Variants in CCL26 observed in about 807,000 individuals in gnomAD.
CCL26 encodes the protein C-C motif chemokine ligand 26, also known as C-C motif chemokine 26.
Under a neutral mutation model 10.7 loss-of-function variants are expected in CCL26, and 10 were observed. The ratio of observed to expected loss-of-function variants is 0.93; its 90% confidence interval spans 0.57 to 1.58. The LOEUF (loss-of-function observed/expected upper bound fraction) is 1.58, where lower values mean the gene tolerates loss of function less well. CCL26 is among the 40% of genes most tolerant of loss of function. The pLI is 0.00. For missense variants in CCL26, 116 were observed against 111.0 expected (o/e 1.05, Z -0.20); for synonymous variants, 43 against 41.4 (o/e 1.04, Z -0.15).
At position 75,769,601 on chromosome 7, in the gene CCL26, A is replaced by G. The variant is rs998259103; in HGVS notation, c.*92T>C. 5.9e-5 allele frequency: 46 copies of G among 778,080 alleles called. No individual in the cohort carries two copies. The African/African-American group carries it at 6.5e-4, about 11-fold the overall frequency. The allele number at this position is 778,080 out of a possible 1,614,324, so 48.2% of individuals were successfully genotyped here. A position where few individuals can be genotyped will look rare whatever the true frequency, so the allele number is the denominator to read the frequency against. On this transcript the variant is annotated 3_prime_UTR_variant, in exon 3 of 3. Coordinates refer to ENST00000005180, the MANE Select transcript of CCL26 (RefSeq NM_001371938.1). Reference sequence around the variant, plus strand: ...ACACCCTCTCCTCCCCAGCGGGTCCATGTAGCCTTCAGAAAAGATTCCGCA... The same window carrying G: ...ACACCCTCTCCTCCCCAGCGGGTCCGTGTAGCCTTCAGAAAAGATTCCGCA...
chr7:75,779,476 C>G (rs1226644779), intron 1 of CCL26, among the ~76,000 whole-genome samples: 3 of 152,186 alleles, frequency 2.0e-5, no homozygotes, highest in African/African-American at 7.2e-5. Context: ...TCTCTTTACT[C>G]TCTTCTCCAA....
At chr7:75,772,076 C>T (rs782408028) in intron 1 of CCL26, 28 bp downstream of exon 1, 3 of 1,607,152 alleles carry the variant, frequency 1.9e-6, no homozygotes, top group Admixed American at 1.7e-5. Context: ...GGAAGGAACC[C>T]CAGGAGGGGA....
intron 1 of CCL26, among the ~76,000 whole-genome samples, chr7:75,786,932 G>A (rs1368923374): frequency 1.3e-5 from 2 of 152,102 alleles, no homozygotes; most frequent in Admixed American, 6.6e-5. Context: ...TATCCTCAAG[G>A]AAATCATTTA....
intron 1 of CCL26, among the ~76,000 whole-genome samples, chr7:75,782,960 C>G (rs1262778268): frequency 6.6e-6 from 1 of 152,078 alleles, no homozygotes; most frequent in Non-Finnish European, 1.5e-5. Context: ...AAACCAGGTC[C>G]CAATTTTCCT....
At chr7:75,770,221 C>A (rs1802792984) in intron 2 of CCL26, among the ~76,000 whole-genome samples, 2 of 151,876 alleles carry the variant, frequency 1.3e-5, no homozygotes, top group African/African-American at 4.8e-5. Flanking sequence ...AGGCACGCAT[C>A]AGCACACCCA....
chr7:75,782,759 C>T (rs908260543), intron 1 of CCL26, among the ~76,000 whole-genome samples: 5 of 152,112 alleles, frequency 3.3e-5, no homozygotes, highest in South Asian at 2.1e-4. Context: ...AGGTGCCTGA[C>T]GTCCAGGCAT....
Position 75,769,743 on chromosome 7 carries a change from T to A in CCL26, c.235A>T (p.Lys79Ter). 1 of 1,613,154 alleles carries A rather than the reference T, an allele frequency of 6.2e-7. No individual in the cohort carries two copies. Among genetic ancestry groups the A allele is most frequent in the Non-Finnish European group, 8.5e-7 (1 of 1,179,104 alleles). ...GKKVCTHPRKKWVQKYISLLK... is the reference protein window; with the variant it reads ...GKKVCTHPRK ...AAAGAAATGTATTTTTGCACCCATT[T>A]TTTCCTTGGATGGGTACAGACTTTC... The change falls in exon 3 of 3, where the codon AAA becomes TAA. Residue 79 changes from lysine to a stop codon, truncating the protein, a stop_gained. Transcript: ENST00000005180. LOFTEE classifies it high-confidence loss of function.
chr7:75,770,501 C>G (rs1475324535), intron 2 of CCL26, among the ~76,000 whole-genome samples: 1 of 151,734 alleles, frequency 6.6e-6, no homozygotes, highest in Admixed American at 6.6e-5. Context: ...TCCGCCTCAG[C>G]CTCCCAAGTA....
chr7:75,788,372 C>T (rs1554530282), intron 1 of CCL26, among the ~76,000 whole-genome samples: 1 of 152,122 alleles, frequency 6.6e-6, no homozygotes, highest in Non-Finnish European at 1.5e-5. Flanking sequence ...TCCCTCACCC[C>T]TGCCCGCCAG....
At chr7:75,787,445 T>C (rs574206836) in intron 1 of CCL26, among the ~76,000 whole-genome samples, 25 of 151,748 alleles carry the variant, frequency 1.6e-4, no homozygotes, top group Non-Finnish European at 2.7e-4. Flanking sequence ...AAGATCAAGA[T>C]CATCCTGGCT....
At chr7:75,787,622 G>A (rs1323629630) in intron 1 of CCL26, among the ~76,000 whole-genome samples, 7 of 129,762 alleles carry the variant, frequency 5.4e-5, no homozygotes, top group Non-Finnish European at 1.1e-4. Context: ...TCCAGCCTGG[G>A]CGACAGAGTG....
upstream of CCL26, among the ~76,000 whole-genome samples, chr7:75,790,953 T>A (rs1353223536): frequency 1.2e-4 from 18 of 150,724 alleles, no homozygotes; most frequent in Middle Eastern, 3.5e-3. Flanking sequence ...AAAAAAAAAA[T>A]TTGAGTCCCT....
upstream of CCL26, among the ~76,000 whole-genome samples, chr7:75,791,271 C>T (rs933161345): frequency 6.6e-5 from 10 of 152,096 alleles, no homozygotes; most frequent in Non-Finnish European, 1.2e-4. Context: ...GTGATCCACC[C>T]GCCTCAGCTC....
upstream of CCL26, among the ~76,000 whole-genome samples, chr7:75,776,557 G>C (rs1554528733): frequency 2.8e-5 from 3 of 107,530 alleles, no homozygotes; most frequent in South Asian, 3.6e-4. Flanking sequence ...AGGAAGGAAG[G>C]AAGGAAGGAA....
At position 75,769,631 on chromosome 7, in the gene CCL26, C is replaced by G; in HGVS notation, c.*62G>C. The G allele has an allele frequency of 9.0e-7, 1 of 1,107,144 alleles. No individual in the cohort carries two copies. The highest frequency in any genetic ancestry group is 1.3e-5 in the South Asian group (1 of 79,388). 68.6% of individuals were successfully genotyped at this position (1,107,144 alleles called of 1,614,324 possible). A position where few individuals can be genotyped will look rare whatever the true frequency, so the allele number is the denominator to read the frequency against. ...GCCTTCAGAAAAGATTCCGCAGGCT[C>G]CCCAGAGGGCTGCAGAGCCAAGAGC... On this transcript the variant is annotated 3_prime_UTR_variant, in exon 3 of 3. Coordinates refer to ENST00000005180, the MANE Select transcript of CCL26 (RefSeq NM_001371938.1).
At chr7:75,769,903 T>C (rs1802785083) in intron 2 of CCL26, 114 bp from the exon 3 acceptor site, 1 of 661,460 alleles carries the variant, frequency 1.5e-6, no homozygotes, top group Admixed American at 2.4e-5. Context: ...GCCACAAACT[T>C]GTTGCTCTCT....
At chr7:75,785,853 G>A (rs1324362489) in intron 1 of CCL26, among the ~76,000 whole-genome samples, 3 of 151,842 alleles carry the variant, frequency 2.0e-5, no homozygotes, top group East Asian at 3.9e-4. Context: ...CTGTGCAGTT[G>A]GAATTCTTAC....
chr7:75,778,607 G>A (rs1317154346), intron 1 of CCL26, among the ~76,000 whole-genome samples: 1 of 147,832 alleles, frequency 6.8e-6, no homozygotes, highest in African/African-American at 2.5e-5. Context: ...TTTGAGAAAT[G>A]TCTATTAAGG....
At chr7:75,788,032 C>T (rs1803240964) in intron 1 of CCL26, among the ~76,000 whole-genome samples, 1 of 152,056 alleles carries the variant, frequency 6.6e-6, no homozygotes, top group Non-Finnish European at 1.5e-5. Context: ...CCATGCCGCC[C>T]CTAATCCTTC....
Sources: allele counts gnomAD v4.1 joint callset (sites outside exome capture counted in the v4.1 genomes callset), GRCh38; gene constraint gnomAD v4.1.1; transcripts MANE v1.5; gene names NCBI Gene and HGNC (gene_info 2026-07-23, HGNC 2026-07-21).